Variants in LNPK observed in about 807,000 individuals in gnomAD.
LNPK encodes endoplasmic reticulum junction formation protein lunapark.
Under a neutral mutation model 55.2 loss-of-function variants are expected in LNPK, and 29 were observed. That is an observed-to-expected ratio of 0.53 (90% CI 0.39 to 0.72). The LOEUF is 0.72. LNPK is among the 30% of genes least tolerant of loss of function. The pLI is 0.00. For synonymous variants in LNPK, 162 were observed against 168.2 expected (o/e 0.96, Z 0.29); for missense variants, 467 against 494.8 (o/e 0.94, Z 0.53).
At chr2:175,997,705 C>CTATGTGTG (rs3223611) in intron 1 of LNPK, among the ~76,000 whole-genome samples, 1 of 144,028 alleles carries the variant, frequency 6.9e-6, no homozygotes, top group Non-Finnish European at 1.5e-5. Flanking sequence ...AACAAATGCT[C>CTATGTGTG]TGTGTGTGTG....
intron 5 of LNPK, among the ~76,000 whole-genome samples, chr2:175,976,835 G>C (rs949410548): frequency 1.3e-5 from 2 of 152,190 alleles, no homozygotes; most frequent in African/African-American, 4.8e-5. Flanking sequence ...TAGCCCTCCT[G>C]GGTCTCCAGC....
At chr2:175,968,953 G>A (rs911163686) in intron 6 of LNPK, among the ~76,000 whole-genome samples, 7 of 151,924 alleles carry the variant, frequency 4.6e-5, no homozygotes, top group Non-Finnish European at 8.8e-5. Flanking sequence ...GGGAGGCAGA[G>A]GTCGCAGTGA....
At chr2:175,930,239 C>T (rs767748077) in intron 12 of LNPK, 40 bp from the exon 13 acceptor site, 83 of 1,473,822 alleles carry the variant, frequency 5.6e-5, no homozygotes, top group South Asian at 5.7e-5. Flanking sequence ...AATACCTGAA[C>T]GTTAAAACTG....
Position 175,994,119 on chromosome 2 carries a change from T to C in LNPK, c.28-896A>G, listed in dbSNP as rs1014099422. 6.2e-5 allele frequency: 58 copies of C among 935,522 alleles called. No individual in the cohort carries two copies. The African/African-American group carries it at 9.3e-4, about 15-fold the overall frequency. The allele number at this position is 935,522 out of a possible 1,614,324, so 58.0% of individuals were successfully genotyped here. A position where few individuals can be genotyped will look rare whatever the true frequency, so the allele number is the denominator to read the frequency against. ...CAGCCAAAATCACTCATAAAACACT[T>C]GAAAAAATATTTACCAATTACATAC... is the stretch of plus-strand genomic sequence containing the variant. On this transcript the variant is annotated intron_variant, in intron 2 of 12. Transcript: ENST00000272748.
chr2:175,935,639 G>T, intron 12 of LNPK: 1 of 200,838 alleles, frequency 5.0e-6, no homozygotes, highest in Non-Finnish European at 8.9e-6. Context: ...TGGAATTGTT[G>T]CTTCAGTTTT....
chr2:175,953,455 T>G (rs1165620559), intron 8 of LNPK, among the ~76,000 whole-genome samples: 4 of 152,118 alleles, frequency 2.6e-5, no homozygotes, highest in Admixed American at 6.6e-5. Context: ...ATTCATTATC[T>G]TCTACAGAAA....
intron 9 of LNPK, among the ~76,000 whole-genome samples, chr2:175,944,627 C>G (rs1428661479): frequency 1.3e-5 from 2 of 152,060 alleles, no homozygotes; most frequent in Non-Finnish European, 1.5e-5. Context: ...TACATGGAGA[C>G]TTCATAGAAG....
chr2:175,945,764 A>T (rs1471243474), intron 9 of LNPK, among the ~76,000 whole-genome samples: 1 of 152,222 alleles, frequency 6.6e-6, no homozygotes, highest in African/African-American at 2.4e-5. Flanking sequence ...ATGAAATAAT[A>T]GATTTCATAA....
At chr2:176,000,046 G>A (rs994013872) in intron 1 of LNPK, among the ~76,000 whole-genome samples, 6 of 152,166 alleles carry the variant, frequency 3.9e-5, no homozygotes, top group Non-Finnish European at 8.8e-5. Context: ...GATTACAGGC[G>A]TGAGCAACCC....
chr2:175,975,548 T>C (rs1686871808), intron 5 of LNPK, among the ~76,000 whole-genome samples: 1 of 152,256 alleles, frequency 6.6e-6, no homozygotes, highest in Admixed American at 6.5e-5. Context: ...AAGCACATCA[T>C]GAAGAATGCG....
chr2:175,997,506 T>C (rs1461657658), intron 1 of LNPK, among the ~76,000 whole-genome samples: 1 of 152,184 alleles, frequency 6.6e-6, no homozygotes, highest in Non-Finnish European at 1.5e-5. Context: ...AACTAGTGTA[T>C]GGTGTCTAGC....
chr2:175,964,460 A>T, intron 7 of LNPK, 37 bp from the exon 8 acceptor site: 1 of 1,597,520 alleles, frequency 6.3e-7, no homozygotes, highest in Non-Finnish European at 8.6e-7. Flanking sequence ...GTGACCTATT[A>T]CAATGTGTAA....
chr2:175,970,187 C>T (rs1686589376), intron 6 of LNPK, among the ~76,000 whole-genome samples: 1 of 152,130 alleles, frequency 6.6e-6, no homozygotes, highest in Non-Finnish European at 1.5e-5. Flanking sequence ...TCTAGAGCGC[C>T]TTCTGTCTTA....
intron 5 of LNPK, among the ~76,000 whole-genome samples, chr2:175,972,641 AATG>A (rs1686712081): frequency 6.6e-6 from 1 of 152,178 alleles, no homozygotes; most frequent in African/African-American, 2.4e-5. Flanking sequence ...ACTGATTGCA[AATG>A]ATAATCCATT....
rs570578676 is a variant in LNPK, at chr2:176,002,171, G to C, written c.-74C>G. 201 of 445,424 alleles carry C rather than the reference G, an allele frequency of 4.5e-4. No homozygotes were observed. The highest frequency in any genetic ancestry group is 3.9e-3 in the African/African-American group (190 of 48,932). 27.6% of individuals were successfully genotyped at this position (445,424 alleles called of 1,614,324 possible). A position where few individuals can be genotyped will look rare whatever the true frequency, so the allele number is the denominator to read the frequency against. On this transcript the variant is annotated 5_prime_UTR_variant, in exon 1 of 13. Coordinates refer to ENST00000272748, the MANE Select transcript of LNPK (RefSeq NM_030650.3). The stretch of plus-strand genomic sequence containing the variant: ...CTTGAGCGTTCTACCTGCAAGAAGC[G>C]GGCGCAGCCCGGCCCGGGCGTCCAC...
At chr2:175,991,623 T>A (rs575754584) in intron 4 of LNPK, among the ~76,000 whole-genome samples, 13 of 152,322 alleles carry the variant, frequency 8.5e-5, no homozygotes, top group African/African-American at 3.1e-4. Flanking sequence ...AGATATACAG[T>A]CAGAGAATTT....
intron 9 of LNPK, among the ~76,000 whole-genome samples, chr2:175,943,601 T>C (rs921593586): frequency 1.3e-5 from 2 of 152,074 alleles, no homozygotes; most frequent in South Asian, 2.1e-4. Context: ...GAAAGCAAGT[T>C]AGTTTAACAT....
At chr2:175,949,883 G>A (rs148943770) in intron 8 of LNPK, among the ~76,000 whole-genome samples, 155 of 152,072 alleles carry the variant, frequency 1.0e-3, no homozygotes, top group African/African-American at 3.3e-3. Flanking sequence ...ATTATAAAAT[G>A]TTCTGGTAGT....
intron 12 of LNPK, among the ~76,000 whole-genome samples, chr2:175,931,160 A>G (rs1684264362): frequency 6.6e-6 from 1 of 152,198 alleles, no homozygotes; most frequent in Non-Finnish European, 1.5e-5. Context: ...TATTTTTGCT[A>G]GTAGAAATAT....
Sources: allele counts gnomAD v4.1 joint callset (sites outside exome capture counted in the v4.1 genomes callset), GRCh38; gene constraint gnomAD v4.1.1; transcripts MANE v1.5; gene names NCBI Gene and HGNC (gene_info 2026-07-23, HGNC 2026-07-21).